NEGR1: variants seen among roughly 807,000 people sequenced by gnomAD.
NEGR1 encodes the protein neuronal growth regulator 1.
A neutral mutation model predicts 40.9 loss-of-function variants in NEGR1; 10 were observed. The observed-to-expected ratio is 0.24, with a 90% CI of 0.15 to 0.42. The LOEUF is 0.42. Among genes scored for constraint, NEGR1 ranks in the 10% least tolerant of loss-of-function variants. The probability of loss-of-function intolerance (pLI) is 1.00; values close to 1 mark genes in which losing one functional copy is unlikely to be tolerated. For missense variants in NEGR1, 352 were observed against 438.9 expected, an observed-to-expected ratio of 0.80 and a Z score of 1.77; for synonymous variants, 185 against 166.8, an observed-to-expected ratio of 1.11 and a Z score of -0.84.
chr1:71,922,728 T>G (rs1645732367), intron 2 of NEGR1, among the ~76,000 whole-genome samples: 1 of 152,202 alleles, frequency 6.6e-6, no homozygotes, highest in Non-Finnish European at 1.5e-5. Flanking sequence ...AGAAAGATTA[T>G]AACTCAGATT....
At chr1:71,504,385 A>C (rs1647018856) in intron 6 of NEGR1, among the ~76,000 whole-genome samples, 1 of 151,008 alleles carries the variant, frequency 6.6e-6, no homozygotes, top group African/African-American at 2.5e-5. Context: ...CTAGATCAAG[A>C]TCCCCCTCAC....
At chr1:71,784,121 TA>T (rs1362394088) in intron 2 of NEGR1, among the ~76,000 whole-genome samples, 1 of 152,124 alleles carries the variant, frequency 6.6e-6, no homozygotes, top group Non-Finnish European at 1.5e-5. Context: ...TTTGGTGGTT[TA>T]AAACAGTAGT....
At chr1:72,213,190 G>A (rs567520970) in intron 1 of NEGR1, among the ~76,000 whole-genome samples, 2 of 151,886 alleles carry the variant, frequency 1.3e-5, no homozygotes, top group Non-Finnish European at 2.9e-5. Context: ...TATTGATATA[G>A]GAGCAGAAGA....
intron 1 of NEGR1, among the ~76,000 whole-genome samples, chr1:72,281,473 A>G (rs535109322): frequency 6.6e-6 from 1 of 152,106 alleles, no homozygotes; most frequent in African/African-American, 2.4e-5. Flanking sequence ...ATGGTACTGG[A>G]GGGGAACAGT....
At chr1:71,979,378 T>C (rs1478746467) in intron 1 of NEGR1, among the ~76,000 whole-genome samples, 2 of 151,826 alleles carry the variant, frequency 1.3e-5, no homozygotes, top group African/African-American at 2.4e-5. Context: ...GAAATAAAAA[T>C]AAGAAGAAAA....
chr1:71,674,439 A>C (rs1436481819), intron 4 of NEGR1, among the ~76,000 whole-genome samples: 1 of 152,170 alleles, frequency 6.6e-6, no homozygotes, highest in Non-Finnish European at 1.5e-5. Flanking sequence ...TTACTGAACT[A>C]TTCCTTTCTC....
intron 3 of NEGR1, among the ~76,000 whole-genome samples, chr1:71,745,256 GC>G (rs1655345967): frequency 6.6e-6 from 1 of 152,132 alleles, no homozygotes; most frequent in Non-Finnish European, 1.5e-5. Context: ...ACCAGGAAAA[GC>G]TGTGAGATTT....
chr1:71,935,045 T>C (rs768937481), intron 2 of NEGR1, 34 bp downstream of exon 2: 27 of 1,229,610 alleles, frequency 2.2e-5, no homozygotes, highest in Non-Finnish European at 3.2e-5. Context: ...CTAAGCACAG[T>C]CTTTCACAAT....
At chr1:71,802,824 G>A (rs547224676) in intron 2 of NEGR1, among the ~76,000 whole-genome samples, 1 of 152,246 alleles carries the variant, frequency 6.6e-6, no homozygotes, top group South Asian at 2.1e-4. Context: ...CACATAACAA[G>A]TCTTGTTTCA....
intron 4 of NEGR1, among the ~76,000 whole-genome samples, chr1:71,671,905 T>G (rs1652448670): frequency 6.7e-6 from 1 of 149,434 alleles, no homozygotes; most frequent in South Asian, 2.1e-4. Context: ...TTTTTTTTTT[T>G]TTTTTTGTTT....
chr1:71,863,832 C>A (rs1292963804), intron 2 of NEGR1, among the ~76,000 whole-genome samples: 5 of 152,200 alleles, frequency 3.3e-5, no homozygotes, highest in African/African-American at 1.2e-4. Context: ...ACATAATGAA[C>A]AAGAGGACTG....
At chr1:72,205,756 CAAAAAAAAAAAAAAAAAAAA>C (rs35490878) in intron 1 of NEGR1, among the ~76,000 whole-genome samples, 1 of 30,886 alleles carries the variant, frequency 3.2e-5, no homozygotes, top group South Asian at 1.5e-3. Context: ...CCCATTTCTA[CAAAAAAAAAAAAAAAAAAAA>C]AAAAAAAATA....
intron 6 of NEGR1, among the ~76,000 whole-genome samples, chr1:71,566,329 C>A (rs1002294156): frequency 1.3e-5 from 2 of 151,936 alleles, no homozygotes; most frequent in African/African-American, 4.8e-5. Flanking sequence ...TAGGGTAAAA[C>A]ATTTTATAGT....
At chr1:71,535,729 G>A (rs1263757373) in intron 6 of NEGR1, among the ~76,000 whole-genome samples, 1 of 151,678 alleles carries the variant, frequency 6.6e-6, no homozygotes, top group Non-Finnish European at 1.5e-5. Context: ...AAAAGCTGGT[G>A]CTACAGGCAG....
At chr1:71,797,318 C>T (rs145218571) in intron 2 of NEGR1, among the ~76,000 whole-genome samples, 20 of 152,186 alleles carry the variant, frequency 1.3e-4, no homozygotes, top group African/African-American at 4.8e-4. Context: ...TTTCACTAAA[C>T]CTTGTATTTA....
intron 1 of NEGR1, among the ~76,000 whole-genome samples, chr1:72,126,887 A>G (rs778669502): frequency 1.3e-5 from 2 of 152,178 alleles, no homozygotes; most frequent in Non-Finnish European, 2.9e-5. Flanking sequence ...AGAAAACACC[A>G]TCTTATAAAA....
chr1:71,468,415 A>C (rs551179265), intron 6 of NEGR1: 1 of 152,042 alleles, frequency 6.6e-6, no homozygotes, highest in Non-Finnish European at 1.5e-5. Flanking sequence ...ATTGATGAAA[A>C]GAATCCCAAG....
At chr1:71,817,162 T>C (rs1272883462) in intron 2 of NEGR1, among the ~76,000 whole-genome samples, 1 of 152,040 alleles carries the variant, frequency 6.6e-6, no homozygotes, top group Non-Finnish European at 1.5e-5. Flanking sequence ...CATGGAGATG[T>C]GCTGTGCCTA....
chr1:71,608,454 A>G (rs1431178258), intron 5 of NEGR1, among the ~76,000 whole-genome samples: 3 of 147,128 alleles, frequency 2.0e-5, no homozygotes, highest in Non-Finnish European at 4.5e-5. Context: ...CCTTTTCTAT[A>G]TTTACTATAG....
Sources: allele counts gnomAD v4.1 joint callset (sites outside exome capture counted in the v4.1 genomes callset), GRCh38; gene constraint gnomAD v4.1.1; transcripts MANE v1.5; gene names NCBI Gene and HGNC (gene_info 2026-07-23, HGNC 2026-07-21).